MAN1C1: variants seen among roughly 807,000 people sequenced by gnomAD.
The protein encoded by MAN1C1 is mannosidase alpha class 1C member 1, also known as mannosyl-oligosaccharide 1,2-alpha-mannosidase IC.
A neutral mutation model predicts 71.5 loss-of-function variants in MAN1C1; 49 were observed. That is an observed-to-expected ratio of 0.69 (90% CI 0.54 to 0.87). The LOEUF (loss-of-function observed/expected upper bound fraction) is 0.87. Ranked by LOEUF, MAN1C1 falls within the 40% of genes least tolerant of loss-of-function variation. The pLI, the probability that MAN1C1 is intolerant of heterozygous loss-of-function variation, is 0.00. For missense variants in MAN1C1, 743 were observed against 835.0 expected, an observed-to-expected ratio of 0.89 and a Z score of 1.36; for synonymous variants, 352 against 343.7, an observed-to-expected ratio of 1.02 and a Z score of -0.27.
chr1:25,732,103 T>G (rs1414788039), intron 2 of MAN1C1, among the ~76,000 whole-genome samples: 1 of 151,906 alleles, frequency 6.6e-6, no homozygotes, highest in African/African-American at 2.4e-5. Context: ...CGAGGGCATC[T>G]GGGGGGGCTC....
intron 1 of MAN1C1, chr1:25,646,341 C>A: frequency 6.6e-6 from 1 of 152,398 alleles, no homozygotes; most frequent in Non-Finnish European, 1.5e-5. Flanking sequence ...AGATGGTGCC[C>A]TCATCGTCCT....
intron 7 of MAN1C1, among the ~76,000 whole-genome samples, chr1:25,767,994 C>T (rs1212562017): frequency 2.1e-5 from 2 of 95,022 alleles, no homozygotes; most frequent in Non-Finnish European, 2.2e-5. Flanking sequence ...ACACACATTA[C>T]ATACACTCCC....
intron 2 of MAN1C1, among the ~76,000 whole-genome samples, chr1:25,702,484 C>G (rs541804074): frequency 6.6e-6 from 1 of 152,302 alleles, no homozygotes; most frequent in East Asian, 1.9e-4. Flanking sequence ...GGGCCCATCC[C>G]CCCAAAACAT....
At chr1:25,747,967 G>T (rs914399204) in intron 3 of MAN1C1, among the ~76,000 whole-genome samples, 1 of 152,170 alleles carries the variant, frequency 6.6e-6, no homozygotes, top group Non-Finnish European at 1.5e-5. Flanking sequence ...GAGGCTTGTT[G>T]ACATTTCTGG....
chr1:25,643,796 C>T (rs543846449), intron 1 of MAN1C1, among the ~76,000 whole-genome samples: 53 of 152,028 alleles, frequency 3.5e-4, no homozygotes, highest in Non-Finnish European at 5.6e-4. Flanking sequence ...CATAAGCCAC[C>T]GTGCCCAGCC....
At chr1:25,749,528 A>C (rs775117285) in intron 4 of MAN1C1, among the ~76,000 whole-genome samples, 193 bp downstream of exon 4, 16 of 152,122 alleles carry the variant, frequency 1.1e-4, no homozygotes, top group Admixed American at 5.2e-4. Flanking sequence ...TTAATCAGTC[A>C]TTGCTCATCA....
chr1:25,633,903 T>C (rs141025824), intron 1 of MAN1C1, among the ~76,000 whole-genome samples: 1 of 152,346 alleles, frequency 6.6e-6, no homozygotes, highest in African/African-American at 2.4e-5. Flanking sequence ...TCTGTTTTGG[T>C]GCATATCAAG....
At chr1:25,632,143 A>T (rs2045390622) in intron 1 of MAN1C1, among the ~76,000 whole-genome samples, 1 of 151,870 alleles carries the variant, frequency 6.6e-6, no homozygotes, top group Non-Finnish European at 1.5e-5. Flanking sequence ...GCTTTTTTGT[A>T]TGTGTGTGGC....
intron 5 of MAN1C1, among the ~76,000 whole-genome samples, chr1:25,754,227 C>G (rs75159134): frequency 0.011 from 1,697 of 152,284 alleles, 24 homozygotes; most frequent in African/African-American, 0.038. Flanking sequence ...CTGTGACGTT[C>G]CACTGCACCA....
In MAN1C1 at chr1:25,636,193, C is replaced by T. The variant is rs150574419; in HGVS notation, c.540+17856C>T. Among the ~76,000 whole-genome samples, 256 of 152,284 alleles carry T rather than the reference C, an allele frequency of 1.7e-3. 9 individuals are homozygous for T. Among genetic ancestry groups the T allele is most frequent in the Admixed American group, 1.9e-3 (29 of 15,300 alleles). ...ATAAGGGTTTATGTTCAGCTGTGCA[C>T]GTATTGTCTTGATAAACATCTTAAA... On this transcript the variant is annotated intron_variant, in intron 1 of 11. Coordinates refer to ENST00000374332, the MANE Select transcript of MAN1C1 (RefSeq NM_020379.4).
chr1:25,729,049 AT>A (rs1311036356), intron 2 of MAN1C1, among the ~76,000 whole-genome samples: 1 of 152,118 alleles, frequency 6.6e-6, no homozygotes, highest in Non-Finnish European at 1.5e-5. Flanking sequence ...TCTAATGTAC[AT>A]GGTTTGCTCA....
At chr1:25,703,407 C>T (rs978053160) in intron 2 of MAN1C1, among the ~76,000 whole-genome samples, 4 of 152,076 alleles carry the variant, frequency 2.6e-5, no homozygotes, top group Admixed American at 6.5e-5. Flanking sequence ...GTAGGCTGGG[C>T]GCGGTGGCTC....
intron 7 of MAN1C1, among the ~76,000 whole-genome samples, chr1:25,768,237 CT>C (rs2047479098): frequency 1.2e-5 from 1 of 81,544 alleles, no homozygotes; most frequent in African/African-American, 4.8e-5. Context: ...ACACACTCCC[CT>C]CACACACATC....
intron 1 of MAN1C1, among the ~76,000 whole-genome samples, chr1:25,633,730 C>T (rs114688417): frequency 3.0e-3 from 456 of 152,172 alleles, no homozygotes; most frequent in Non-Finnish European, 4.6e-3. Context: ...TGCCATTCTG[C>T]CAATCTGTAT....
chr1:25,728,209 C>T (rs2046859885), intron 2 of MAN1C1, among the ~76,000 whole-genome samples: 2 of 152,164 alleles, frequency 1.3e-5, no homozygotes. Flanking sequence ...GCCCCTGCTG[C>T]GAGCTTCTCC....
At chr1:25,697,028 T>C (rs541093121) in intron 2 of MAN1C1, among the ~76,000 whole-genome samples, 2 of 152,374 alleles carry the variant, frequency 1.3e-5, no homozygotes, top group East Asian at 3.9e-4. Flanking sequence ...ATGTACTCTT[T>C]TATGGCGTGC....
chr1:25,634,237 C>T lies in MAN1C1; in HGVS notation c.540+15900C>T, dbSNP rs139004605. Reference sequence around the variant, plus strand: ...CTTATTTCCTTTTCTTGCTTCATTGCGCTGACTGGGACTTCCAGTTCAATG... The same window carrying T: ...CTTATTTCCTTTTCTTGCTTCATTGTGCTGACTGGGACTTCCAGTTCAATG... On this transcript the variant is annotated intron_variant, in intron 1 of 11. Coordinates refer to ENST00000374332, the MANE Select transcript of MAN1C1 (RefSeq NM_020379.4). This position sits in a 1 kb window ranked among gnomAD's most constrained non-coding sequence, Gnocchi z 4.6. Among the ~76,000 whole-genome samples, 39 of 152,234 alleles carry T rather than the reference C, an allele frequency of 2.6e-4. No individual in the cohort carries two copies. The highest frequency in any genetic ancestry group is 7.2e-4 in the African/African-American group (30 of 41,528).
Position 25,654,601 on chromosome 1 carries a change from A to AG in MAN1C1, c.541-31838dup, listed in dbSNP as rs2045737634. 3.9e-5 allele frequency among the ~76,000 whole-genome samples: 6 copies of AG among 151,958 alleles called. No homozygotes were observed. In the South Asian group the frequency reaches 1.2e-3, roughly 32 times the overall value. ...GCACTGGAAAGGGTAACTTTATGGCAGATGCTGTGGAACGTAATCTGCTCA... is the reference window on the plus strand; with the variant it reads ...GCACTGGAAAGGGTAACTTTATGGCAGGATGCTGTGGAACGTAATCTGCTCA... On this transcript the variant is annotated intron_variant, in intron 1 of 11. Coordinates refer to ENST00000374332, the MANE Select transcript of MAN1C1 (RefSeq NM_020379.4).
intron 2 of MAN1C1, among the ~76,000 whole-genome samples, chr1:25,728,123 G>A (rs746027552): frequency 2.1e-4 from 32 of 152,192 alleles, no homozygotes; most frequent in Non-Finnish European, 3.4e-4. Context: ...TATTTGAGGA[G>A]CATCTCTCAA....
Sources: gnomAD v4.1 joint callset for allele counts (sites outside exome capture counted in the v4.1 genomes callset) on GRCh38, gnomAD v4.1.1 for gene constraint, Gnocchi (gnomAD v3.1) non-coding constraint, MANE v1.5 for transcripts, NCBI Gene and HGNC (gene_info 2026-07-23, HGNC 2026-07-21) for gene names.